The following ACSF3 variants were observed in gnomAD, a reference collection of about 807,000 sequenced individuals.
ACSF3 encodes the protein malonate--CoA ligase ACSF3, mitochondrial.
In ACSF3, 78 loss-of-function variants were observed where a neutral mutation model predicts 53.2. That is an observed-to-expected ratio of 1.47 (90% CI 1.22 to 1.77). The LOEUF (loss-of-function observed/expected upper bound fraction) is 1.77, where lower values mean the gene tolerates loss of function less well. Ranked by LOEUF, ACSF3 falls within the 40% of genes most tolerant of loss-of-function variation. The probability of loss-of-function intolerance (pLI) is 0.00; values close to 1 mark genes in which losing one functional copy is unlikely to be tolerated. For missense variants in ACSF3, 937 were observed against 771.1 expected (o/e 1.22, Z -2.55); for synonymous variants, 414 against 333.1 (o/e 1.24, Z -2.65).
intron 8 of ACSF3, among the ~76,000 whole-genome samples, chr16:89,134,516 G>T (rs1367334407): frequency 6.6e-6 from 1 of 152,208 alleles, no homozygotes; most frequent in Non-Finnish European, 1.5e-5. Flanking sequence ...CAGCAGTGGT[G>T]GACGGCGAGC....
chr16:89,114,705 G>GA (rs1340969428), intron 6 of ACSF3: 1 of 680,318 alleles, frequency 1.5e-6, no homozygotes, highest in Non-Finnish European at 2.6e-6. Context: ...GTGGATGGGG[G>GA]AGGTGTCTGT....
chr16:89,100,800 C>G lies in ACSF3; in HGVS notation c.119C>G (p.Ser40Trp). Residue 40 changes from serine to tryptophan, a missense_variant, in exon 3 of 11, where the codon TCG becomes TGG. Ser to Trp is a radical substitution (Grantham distance 177). Transcript: ENST00000614302. Reference protein sequence around the residue: ...GLLHTAPVARSDRSAPVFTRA... With the variant: ...GLLHTAPVARWDRSAPVFTRA... ...CTGCACACAGCCCCAGTGGCCCGCT[C>G]GGACAGGAGCGCCCCGGTGTTCACC... 1 of 1,612,456 alleles carries G rather than the reference C, an allele frequency of 6.2e-7. No homozygotes were observed. Among genetic ancestry groups the G allele is most frequent in the Non-Finnish European group, 8.5e-7 (1 of 1,180,014 alleles).
At chr16:89,114,102 C>A in intron 5 of ACSF3, 1 of 591,210 alleles carries the variant, frequency 1.7e-6, no homozygotes, top group South Asian at 1.8e-5. Flanking sequence ...CTGCTTCCTT[C>A]TAAAATACAC....
chr16:89,126,091 T>C (rs1484767574), intron 7 of ACSF3, among the ~76,000 whole-genome samples: 1 of 152,270 alleles, frequency 6.6e-6, no homozygotes, highest in Non-Finnish European at 1.5e-5. Flanking sequence ...GTGAACATGG[T>C]GTGTCTCTCC....
At position 89,154,279 on chromosome 16, in the gene ACSF3, C is replaced by T. The variant is rs1198266176; in HGVS notation, c.*72C>T. On this transcript the variant is annotated 3_prime_UTR_variant, in exon 11 of 11. Coordinates refer to ENST00000614302, the MANE Select transcript of ACSF3 (RefSeq NM_001243279.3). Reference sequence around the variant, plus strand: ...CCTTCACACCGAGAACCACGGGGGCCCGTCCAAGACCTGGCCTCCCTTAAA... The same window carrying T: ...CCTTCACACCGAGAACCACGGGGGCTCGTCCAAGACCTGGCCTCCCTTAAA... 1 of 1,400,558 alleles carries T rather than the reference C, an allele frequency of 7.1e-7. No homozygotes were observed. The highest frequency in any genetic ancestry group is 1.4e-5 in the African/African-American group (1 of 70,816). 86.8% of individuals were successfully genotyped at this position (1,400,558 alleles called of 1,614,324 possible). A position where few individuals can be genotyped will look rare whatever the true frequency, so the allele number is the denominator to read the frequency against.
At position 89,114,422 on chromosome 16, in the gene ACSF3, G is replaced by C. The variant is rs544775512; in HGVS notation, c.1061G>C (p.Arg354Pro). The C allele has an allele frequency of 6.2e-7, 1 of 1,613,874 alleles. No homozygotes were observed. Among genetic ancestry groups the C allele is most frequent in the Non-Finnish European group, 8.5e-7 (1 of 1,180,042 alleles). ...KNITGHTLLE[R>P]YGMTEIGMAL... ...ATCACGGGCCACACCCTGCTGGAGCGGTATGGCATGACCGAGATCGGCATG... is the reference window on the plus strand; with the variant it reads ...ATCACGGGCCACACCCTGCTGGAGCCGTATGGCATGACCGAGATCGGCATG... Residue 354 changes from arginine (R) to proline (P), a missense_variant, in exon 6 of 11, where the codon CGG becomes CCG. Transcript: ENST00000614302.
intron 4 of ACSF3, among the ~76,000 whole-genome samples, chr16:89,104,403 TA>T (rs1310264439): frequency 6.6e-6 from 1 of 152,192 alleles, no homozygotes; most frequent in Non-Finnish European, 1.5e-5. Context: ...GGCACAGCCC[TA>T]AAGCCCAGAG....
intron 8 of ACSF3, chr16:89,141,027 A>G: frequency 8.1e-7 from 1 of 1,240,798 alleles, no homozygotes; most frequent in African/African-American, 1.6e-5. Flanking sequence ...TTGTTATGGA[A>G]AGTAAAGGTT....
intron 10 of ACSF3, chr16:89,149,145 C>T (rs1913647796): frequency 6.6e-6 from 1 of 152,232 alleles, no homozygotes; most frequent in South Asian, 2.1e-4. Flanking sequence ...CCGAGTCTAC[C>T]TCAGCCTGGA....
intron 7 of ACSF3, among the ~76,000 whole-genome samples, chr16:89,126,793 G>C (rs1908205650): frequency 6.6e-6 from 1 of 152,166 alleles, no homozygotes; most frequent in Admixed American, 6.5e-5. Context: ...TATGACCAAA[G>C]CCCTGACTAG....
intron 8 of ACSF3, among the ~76,000 whole-genome samples, chr16:89,142,820 C>T (rs1214720893): frequency 6.6e-6 from 1 of 152,266 alleles, no homozygotes; most frequent in African/African-American, 2.4e-5. Context: ...CACACCCACA[C>T]CTAAGGAGAC....
Position 89,145,406 on chromosome 16 carries a change from G to C in ACSF3, c.1501+5G>C. The stretch of plus-strand genomic sequence containing the variant: ...TGGCCCACCCCAGCATCACAGGTGC[G>C]TGGCCGGACTTGGGCCAGGGAGGCC... On this transcript the variant is annotated splice_donor_5th_base_variant and intron_variant, in intron 9 of 10. Transcript: ENST00000614302. The C allele has an allele frequency of 1.2e-6, 2 of 1,614,032 alleles. No homozygotes were observed. The highest frequency in any genetic ancestry group is 1.7e-6 in the Non-Finnish European group (2 of 1,180,004).
At chr16:89,139,122 C>T (rs1363504731) in intron 8 of ACSF3, among the ~76,000 whole-genome samples, 1 of 152,232 alleles carries the variant, frequency 6.6e-6, no homozygotes. Context: ...ACTATTGAGA[C>T]TATGGAGTCG....
At chr16:89,138,566 G>A (rs1911096055) in intron 8 of ACSF3, among the ~76,000 whole-genome samples, 1 of 152,206 alleles carries the variant, frequency 6.6e-6, no homozygotes, top group Admixed American at 6.5e-5. Flanking sequence ...TCCGGCAGAG[G>A]GACCTCGCTG....
chr16:89,144,505 A>G (rs1482480232), intron 8 of ACSF3, among the ~76,000 whole-genome samples: 1 of 152,142 alleles, frequency 6.6e-6, no homozygotes, highest in Non-Finnish European at 1.5e-5. Context: ...TCCCATCCAG[A>G]GGGGCTGGGC....
At chr16:89,102,978 T>C (rs1975541279) in intron 4 of ACSF3, among the ~76,000 whole-genome samples, 1 of 152,242 alleles carries the variant, frequency 6.6e-6, no homozygotes, top group African/African-American at 2.4e-5. Flanking sequence ...CATGGAACCC[T>C]GTACCTACGA....
intron 1 of ACSF3, among the ~76,000 whole-genome samples, chr16:89,096,840 C>T (rs540830131): frequency 5.3e-5 from 8 of 152,320 alleles, no homozygotes; most frequent in South Asian, 4.1e-4. Context: ...CCTCATAGCG[C>T]GTGGGCTCTC....
Position 89,134,636 on chromosome 16 carries a change from C to T in ACSF3, c.1366+1374C>T, listed in dbSNP as rs553344456. Among the ~76,000 whole-genome samples the T allele has an allele frequency of 1.5e-4, 23 of 152,348 alleles. No individual in the cohort carries two copies. In the East Asian group the frequency reaches 4.4e-3, roughly 29 times the overall value. On this transcript the variant is annotated intron_variant, in intron 8 of 10. Transcript: ENST00000614302. ...ACAAAGGGAGGGGACCCAGAGAGGG[C>T]AGCCGTTGCCAGGTTTATATCCCGA...
In ACSF3 at chr16:89,102,634, A is replaced by G; in HGVS notation, c.697A>G (p.Thr233Ala). 6.2e-7 allele frequency: 1 copy of G among 1,613,492 alleles called. No homozygotes were observed. Among genetic ancestry groups the G allele is most frequent in the South Asian group, 1.1e-5 (1 of 91,078 alleles). ...VTGLVHKWAWTKDDVILHVLP... is the reference protein window; with the variant it reads ...VTGLVHKWAWAKDDVILHVLP... ...CGGGCTGGTCCACAAGTGGGCATGG[A>G]CCAAAGACGACGTGATCCTCCACGT... The change falls in exon 4 of 11, where the codon ACC (threonine) becomes GCC (alanine). Residue 233 changes from threonine (T) to alanine (A), a missense_variant. Physicochemically the swap from Thr to Ala is moderately conservative, Grantham distance 58. Coordinates refer to ENST00000614302, the MANE Select transcript of ACSF3 (RefSeq NM_001243279.3).
Sources: allele counts gnomAD v4.1 joint callset (sites outside exome capture counted in the v4.1 genomes callset), GRCh38; gene constraint gnomAD v4.1.1; transcripts MANE v1.5; gene names NCBI Gene and HGNC (gene_info 2026-07-23, HGNC 2026-07-21).